Variants in MYT1L observed in about 807,000 individuals in gnomAD.
The protein encoded by MYT1L is myelin transcription factor 1-like protein.
MYT1L carries 12 observed loss-of-function variants against 126.7 expected under a neutral mutation model. That is an observed-to-expected ratio of 0.09 (90% CI 0.06 to 0.15). The LOEUF (loss-of-function observed/expected upper bound fraction) is 0.15. MYT1L is among the 10% of genes least tolerant of loss of function. The pLI is 1.00. For missense variants in MYT1L, 979 were observed against 1,585.2 expected (o/e 0.62, Z 6.49); for synonymous variants, 541 against 604.2 (o/e 0.90, Z 1.53).
At chr2:1,813,273 C>T (rs2148035967) in intron 21 of MYT1L, among the ~76,000 whole-genome samples, 3 of 148,966 alleles carry the variant, frequency 2.0e-5, no homozygotes, top group Middle Eastern at 6.9e-3. Flanking sequence ...AACCCCCTCC[C>T]TTCTCTTCAT....
Position 1,943,332 on chromosome 2 carries a change from A to G in MYT1L, c.155T>C (p.Val52Ala), listed in dbSNP as rs1226372220. The G allele has an allele frequency of 6.5e-7, 1 of 1,547,376 alleles. No individual in the cohort carries two copies. Among genetic ancestry groups the G allele is most frequent in the Non-Finnish European group, 8.7e-7 (1 of 1,148,290 alleles). The change falls in exon 9 of 25, where the codon GTA becomes GCA. Residue 52 changes from valine to alanine, a missense_variant and splice_region_variant. Around this residue, in one of 12 missense-constraint regions of MYT1L, gnomAD observed 12 missense variants for 34.6 expected, o/e 0.35. Transcript: ENST00000647738. This position sits in a 1 kb window ranked among gnomAD's most constrained non-coding sequence, Gnocchi z 4.4. ...VSGKYARHRS[V>A]YGCPLAKKRK... ...TTTTTTCGCCAAGGGACAACCATAT[A>G]CACTAATTAAAAAAATAGAGAAGGC...
intron 1 of MYT1L, among the ~76,000 whole-genome samples, chr2:2,312,861 G>A (rs2095998174): frequency 6.6e-6 from 1 of 152,000 alleles, no homozygotes; most frequent in South Asian, 2.1e-4. Context: ...AAGAAAGGGG[G>A]GTTCTGGCCA....
At chr2:2,131,950 C>T (rs976814785) in intron 3 of MYT1L, among the ~76,000 whole-genome samples, 3 of 135,110 alleles carry the variant, frequency 2.2e-5, no homozygotes, top group African/African-American at 8.5e-5. Context: ...CACTCTGTTG[C>T]CAGGCTGAAG....
At chr2:2,217,592 G>C (rs1023764976) in intron 2 of MYT1L, among the ~76,000 whole-genome samples, 1 of 151,044 alleles carries the variant, frequency 6.6e-6, no homozygotes, top group Admixed American at 6.6e-5. Context: ...CTGAAGGCAG[G>C]AGAATTGCTT....
chr2:1,968,718 C>T lies in MYT1L; in HGVS notation c.152+10447G>A, dbSNP rs977371883. ...AAGGGTAAAAGAGGGCCCTAGGATC[C>T]TACAGGGTCTCTGGGTCGCCTTTGT... is the stretch of plus-strand genomic sequence containing the variant. On this transcript the variant is annotated intron_variant, in intron 8 of 24. Transcript: ENST00000647738. Among the ~76,000 whole-genome samples, 7 of 152,286 alleles carry T rather than the reference C, an allele frequency of 4.6e-5. No individual in the cohort carries two copies. The East Asian group carries it at 1.4e-3, about 29-fold the overall frequency.
At chr2:2,034,226 T>G (rs569486054) in intron 4 of MYT1L, among the ~76,000 whole-genome samples, 1 of 152,310 alleles carries the variant, frequency 6.6e-6, no homozygotes, top group African/African-American at 2.4e-5. Context: ...TCCAGCCGAC[T>G]CGGCATCTCT....
At position 1,892,202 on chromosome 2, in the gene MYT1L, G is replaced by A. The variant is rs1303235569; in HGVS notation, c.2118C>T (p.Gly706=). ...APSSSSNLSC[G]GGSSASSTCS... ...ACGTGCTGCTGGCGCTGCTGCCCCC[G>A]CCGCAGCTCAGGTTGCTGCTGCTGC... Residue 706 remains glycine, a synonymous_variant, in exon 15 of 25, where the codon GGC becomes GGT. Coordinates refer to ENST00000647738, the MANE Select transcript of MYT1L (RefSeq NM_001303052.2). The A allele has an allele frequency of 2.6e-6, 4 of 1,549,854 alleles. No homozygotes were observed. The highest frequency in any genetic ancestry group is 1.4e-5 in the African/African-American group (1 of 73,038).
intron 8 of MYT1L, among the ~76,000 whole-genome samples, chr2:1,965,309 AGGAGGACCCAGAC>A (rs2059262663): frequency 1.3e-5 from 2 of 149,636 alleles, no homozygotes; most frequent in African/African-American, 5.0e-5. Context: ...GGCAGGGAAG[AGGAGGACCCAGAC>A]TCTGTGACTT....
intron 1 of MYT1L, among the ~76,000 whole-genome samples, chr2:2,287,410 T>A (rs1162108118): frequency 6.6e-6 from 1 of 152,138 alleles, no homozygotes; most frequent in Non-Finnish European, 1.5e-5. Flanking sequence ...TTGTTAAGCA[T>A]CGCCAGCATC....
chr2:1,987,977 C>T (rs150495826), intron 5 of MYT1L, among the ~76,000 whole-genome samples: 12 of 152,200 alleles, frequency 7.9e-5, no homozygotes, highest in Admixed American at 3.9e-4. Flanking sequence ...AATTTCTTTG[C>T]GTTTCATCTC....
At chr2:2,079,534 G>A (rs1049121554) in intron 3 of MYT1L, among the ~76,000 whole-genome samples, 14 of 152,192 alleles carry the variant, frequency 9.2e-5, no homozygotes, top group African/African-American at 3.4e-4. Flanking sequence ...GGCCTGGTGC[G>A]GTGGCTCACG....
At chr2:2,002,408 A>T (rs777875464) in intron 4 of MYT1L, among the ~76,000 whole-genome samples, 42 of 152,188 alleles carry the variant, frequency 2.8e-4, no homozygotes, top group Non-Finnish European at 4.4e-4. Context: ...TCTCAGTTTC[A>T]TGTAGAATTC....
intron 5 of MYT1L, among the ~76,000 whole-genome samples, chr2:1,994,808 C>T (rs2061701456): frequency 6.6e-6 from 1 of 152,168 alleles, no homozygotes; most frequent in Non-Finnish European, 1.5e-5. Flanking sequence ...AAAAATATTA[C>T]TGGAACTTCC....
At chr2:1,901,402 T>C (rs1187832635) in intron 14 of MYT1L, among the ~76,000 whole-genome samples, 1 of 152,206 alleles carries the variant, frequency 6.6e-6, no homozygotes, top group Non-Finnish European at 1.5e-5. Flanking sequence ...CCTTCACTTG[T>C]AGATGAACAA....
chr2:1,843,719 TG>T (rs965503409), intron 19 of MYT1L, among the ~76,000 whole-genome samples: 25 of 152,178 alleles, frequency 1.6e-4, no homozygotes, highest in African/African-American at 5.8e-4. Context: ...AGGATTGCTG[TG>T]GGGGAAGCCG....
At chr2:2,279,499 TG>T (rs2095415399) in intron 2 of MYT1L, among the ~76,000 whole-genome samples, 1 of 132,142 alleles carries the variant, frequency 7.6e-6, no homozygotes, top group African/African-American at 2.9e-5. Context: ...AAGAAAACAA[TG>T]GAGTAAGAAG....
chr2:2,049,985 A>G (rs1303439708), intron 4 of MYT1L, among the ~76,000 whole-genome samples: 1 of 152,080 alleles, frequency 6.6e-6, no homozygotes, highest in Non-Finnish European at 1.5e-5. Flanking sequence ...AAATATGTAT[A>G]TAGTACTAAC....
chr2:2,238,990 T>G (rs1310621611), intron 2 of MYT1L, among the ~76,000 whole-genome samples: 7 of 152,210 alleles, frequency 4.6e-5, no homozygotes, highest in Non-Finnish European at 2.9e-5. Flanking sequence ...GCTCTCCACA[T>G]GCCAGCTCCT....
chr2:2,135,270 C>G (rs112560288), intron 3 of MYT1L, among the ~76,000 whole-genome samples: 1,764 of 152,190 alleles, frequency 0.012, 16 homozygotes, highest in Non-Finnish European at 0.016. Flanking sequence ...GTGAATAAGT[C>G]TCAGGAGACC....
Sources: allele counts gnomAD v4.1 joint callset (sites outside exome capture counted in the v4.1 genomes callset), GRCh38; gene constraint gnomAD v4.1.1; regional missense constraint gnomAD v4.1.1; non-coding constraint Gnocchi (gnomAD v3.1); transcripts MANE v1.5; gene names NCBI Gene and HGNC (gene_info 2026-07-23, HGNC 2026-07-21).